ZNF618: variants seen among roughly 807,000 people sequenced by gnomAD.
ZNF618 encodes neural precursor cell expressed, developmentally down-regulated 10.
ZNF618 carries 34 observed loss-of-function variants against 103.0 expected under a neutral mutation model. The observed-to-expected ratio is 0.33, with a 90% confidence interval of 0.25 to 0.44. The LOEUF (loss-of-function observed/expected upper bound fraction) is 0.44, where lower values mean the gene tolerates loss of function less well. Among genes scored for constraint, ZNF618 ranks in the 20% least tolerant of loss-of-function variants. The pLI, the probability that ZNF618 is intolerant of heterozygous loss-of-function variation, is 1.00. For missense variants in ZNF618, 1,059 were observed against 1,295.4 expected (o/e 0.82, Z 2.80); for synonymous variants, 551 against 542.2 (o/e 1.02, Z -0.23).
At chr9:113,985,080 C>G (rs1839339257) in intron 2 of ZNF618, among the ~76,000 whole-genome samples, 1 of 152,240 alleles carries the variant, frequency 6.6e-6, no homozygotes. Flanking sequence ...CCACTGGGAG[C>G]TTACTGTTCT....
chr9:113,893,129 G>A (rs1327459619), intron 1 of ZNF618, among the ~76,000 whole-genome samples: 3 of 152,206 alleles, frequency 2.0e-5, no homozygotes, highest in African/African-American at 7.2e-5. Flanking sequence ...AGCTAGACTG[G>A]CATCAATGCC....
In ZNF618 at chr9:114,054,302, A is replaced by T. The variant is rs55994673; in HGVS notation, c.*4135A>T. On this transcript the variant is annotated 3_prime_UTR_variant, in exon 15 of 15. Coordinates refer to ENST00000374126, the MANE Select transcript of ZNF618 (RefSeq NM_001318042.2). ...AGGGTCATTGGGAAGGTTTGAAATG[A>T]AGATGGGATGTGGCTGGAACAGCCT... The T allele has an allele frequency of 0.35, 53,222 of 151,922 alleles. 10,383 individuals are homozygous for T. Among genetic ancestry groups the T allele is most frequent in the Non-Finnish European group, 0.44 (29,565 of 67,922 alleles). 9.4% of individuals were successfully genotyped at this position (151,922 alleles called of 1,614,324 possible).
chr9:113,986,683 A>G (rs1029671474), intron 2 of ZNF618, among the ~76,000 whole-genome samples: 1 of 152,166 alleles, frequency 6.6e-6, no homozygotes, highest in Non-Finnish European at 1.5e-5. Flanking sequence ...CTTCAGATCC[A>G]GTCACACTGG....
intron 1 of ZNF618, among the ~76,000 whole-genome samples, chr9:113,922,915 G>A (rs1293756962): frequency 1.3e-5 from 2 of 152,096 alleles, no homozygotes; most frequent in African/African-American, 4.8e-5. Flanking sequence ...TTAACAATAC[G>A]GAGTCTTCCC....
At chr9:114,005,953 G>A (rs1023730309) in intron 6 of ZNF618, among the ~76,000 whole-genome samples, 1 of 152,160 alleles carries the variant, frequency 6.6e-6, no homozygotes, top group Non-Finnish European at 1.5e-5. Flanking sequence ...GATGATTCTG[G>A]TATCCAGCAT....
At chr9:113,964,996 C>CT (rs1837249543) in intron 1 of ZNF618, among the ~76,000 whole-genome samples, 2 of 119,886 alleles carry the variant, frequency 1.7e-5, no homozygotes, top group South Asian at 2.6e-4. Context: ...TTGCTTCATT[C>CT]TGAAAAAAAA....
chr9:113,986,839 A>G (rs559761986), intron 2 of ZNF618, among the ~76,000 whole-genome samples: 1 of 152,248 alleles, frequency 6.6e-6, no homozygotes, highest in South Asian at 2.1e-4. Context: ...CCTTGGATGA[A>G]AGCTGAAGCT....
chr9:114,038,716 T>C (rs1455728497), intron 13 of ZNF618, among the ~76,000 whole-genome samples: 1 of 152,198 alleles, frequency 6.6e-6, no homozygotes. Flanking sequence ...ATTTTGTGAG[T>C]GCTTTCTATG....
At chr9:114,016,120 T>C in intron 9 of ZNF618, 5 of 1,611,924 alleles carry the variant, frequency 3.1e-6, no homozygotes, top group South Asian at 1.1e-5. Flanking sequence ...CAGTGAACAA[T>C]ATTACATCAG....
In ZNF618 at chr9:113,956,209, C is replaced by CAAA. The variant is rs10537910; in HGVS notation, c.34-12880_34-12878dup. Among the ~76,000 whole-genome samples, 160 of 44,584 alleles carry CAAA rather than the reference C, an allele frequency of 3.6e-3. 5 individuals carry two copies. The highest frequency in any genetic ancestry group is 4.3e-3 in the African/African-American group (43 of 10,006). The allele number at this position is 44,584 out of a possible 152,430, so 29.2% of individuals were successfully genotyped here. A position where few individuals can be genotyped will look rare whatever the true frequency, so the allele number is the denominator to read the frequency against. The stretch of plus-strand genomic sequence containing the variant: ...GGGCAACGAGAGTTAAACTCTGTCT[C>CAAA]AAAAAAAAAAAAAAAAAAAAAAAAA... On this transcript the variant is annotated intron_variant, in intron 1 of 14. Coordinates refer to ENST00000374126, the MANE Select transcript of ZNF618 (RefSeq NM_001318042.2).
At chr9:114,000,782 C>G (rs1163809109) in intron 4 of ZNF618, among the ~76,000 whole-genome samples, 1 of 152,198 alleles carries the variant, frequency 6.6e-6, no homozygotes, top group Non-Finnish European at 1.5e-5. Context: ...TTCATGCAAA[C>G]TCAGTCTTCA....
At position 114,008,488 on chromosome 9, in the gene ZNF618, C is replaced by A; in HGVS notation, c.688C>A (p.Gln230Lys). The change falls in exon 9 of 15, where the codon CAA (glutamine) becomes AAA (lysine). Residue 230 changes from glutamine to lysine, a missense_variant. Physicochemically the swap from Gln to Lys is moderately conservative, Grantham distance 53 (BLOSUM62 1). This residue lies in a region of ZNF618 where 434 missense variants were observed against 476.0 expected (regional missense o/e 0.91). Coordinates refer to ENST00000374126, the MANE Select transcript of ZNF618 (RefSeq NM_001318042.2). ...GTGTTCTCCCACAGACCCCTTCGAC[C>A]AAGGTGTCGTGGCCACGGACGAGGT... ...APENRADPFDQGVVATDEVKE... is the reference protein window; with the variant it reads ...APENRADPFDKGVVATDEVKE... 3 of 1,613,934 alleles carry A rather than the reference C, an allele frequency of 1.9e-6. No individual in the cohort carries two copies. The highest frequency in any genetic ancestry group is 2.5e-6 in the Non-Finnish European group (3 of 1,179,868).
intron 1 of ZNF618, among the ~76,000 whole-genome samples, chr9:113,886,171 T>C (rs1308489938): frequency 6.6e-6 from 1 of 152,204 alleles, no homozygotes; most frequent in Non-Finnish European, 1.5e-5. Flanking sequence ...AGTTTGCTGG[T>C]AGCACTCAAA....
chr9:114,032,246 G>A (rs972084640), intron 11 of ZNF618, among the ~76,000 whole-genome samples: 2 of 152,210 alleles, frequency 1.3e-5, no homozygotes, highest in African/African-American at 2.4e-5. Flanking sequence ...TATGCACTTC[G>A]GTGGGGCCCG....
chr9:113,904,062 A>G (rs1257625431), intron 1 of ZNF618, among the ~76,000 whole-genome samples: 1 of 147,638 alleles, frequency 6.8e-6, no homozygotes, highest in South Asian at 2.1e-4. Flanking sequence ...AGCCTTTTGA[A>G]TCTGTCCCAT....
At chr9:113,943,481 G>T (rs1409317671) in intron 1 of ZNF618, among the ~76,000 whole-genome samples, 1 of 152,174 alleles carries the variant, frequency 6.6e-6, no homozygotes, top group East Asian at 1.9e-4. Context: ...AGACCCACGT[G>T]CAGTGGGGCT....
chr9:113,918,438 C>CTAT (rs1436924437), intron 1 of ZNF618, among the ~76,000 whole-genome samples: 1 of 152,196 alleles, frequency 6.6e-6, no homozygotes, highest in Non-Finnish European at 1.5e-5. Flanking sequence ...ATTTTAGCAT[C>CTAT]TATTGTTGCT....
At position 114,032,634 on chromosome 9, in the gene ZNF618, C is replaced by A; in HGVS notation, c.1085-11C>A. 1 of 1,613,406 alleles carries A rather than the reference C, an allele frequency of 6.2e-7. No individual in the cohort carries two copies. Among genetic ancestry groups the A allele is most frequent in the Non-Finnish European group, 8.5e-7 (1 of 1,179,346 alleles). The stretch of plus-strand genomic sequence containing the variant: ...CCATTGTTTTCTTTCTCTCTCCTGT[C>A]CCCCACCCAGCAGAAAGCGCTTTCA... On this transcript the variant is annotated splice_polypyrimidine_tract_variant and intron_variant, in intron 11 of 14. Transcript: ENST00000374126.
intron 10 of ZNF618, among the ~76,000 whole-genome samples, chr9:114,022,270 C>T (rs1173726190): frequency 6.6e-6 from 1 of 151,838 alleles, no homozygotes; most frequent in African/African-American, 2.4e-5. Flanking sequence ...CAGAGTATTG[C>T]AGGCCTCATA....
Sources: allele counts gnomAD v4.1 joint callset (sites outside exome capture counted in the v4.1 genomes callset), GRCh38; gene constraint gnomAD v4.1.1; regional missense constraint gnomAD v4.1.1; transcripts MANE v1.5; gene names NCBI Gene and HGNC (gene_info 2026-07-23, HGNC 2026-07-21).